KCTD12: variants seen among roughly 807,000 people sequenced by gnomAD.
The protein encoded by KCTD12 is potassium channel tetramerization domain containing 12, also known as BTB/POZ domain-containing protein KCTD12.
KCTD12 carries 16 observed loss-of-function variants against 22.6 expected under a neutral mutation model. The ratio of observed to expected loss-of-function variants is 0.71; its 90% CI spans 0.48 to 1.07. The LOEUF is 1.07. Ranked by LOEUF, KCTD12 falls within the 50% of genes least tolerant of loss-of-function variation. The pLI is 0.00. For missense variants in KCTD12, 452 were observed against 469.2 expected (o/e 0.96, Z 0.34); for synonymous variants, 260 against 228.0 (o/e 1.14, Z -1.26).
rs576556616 is a variant in KCTD12, at chr13:76,884,516, C to T, written c.*655G>A. On this transcript the variant is annotated 3_prime_UTR_variant, in exon 1 of 1. Transcript: ENST00000377474. ...TGTACGAGAAAGGATCCTTTACTGT[C>T]CCACGCACTAGATTCTTCTACTTTA... 4.6e-5 allele frequency: 7 copies of T among 152,398 alleles called. No homozygotes were observed. Among genetic ancestry groups the T allele is most frequent in the African/African-American group, 1.7e-4 (7 of 41,560 alleles). 9.4% of individuals were successfully genotyped at this position (152,398 alleles called of 1,614,324 possible).
rs776978631 is a variant in KCTD12 at position 76,885,825 on chromosome 13, G to A, written c.324C>T (p.Pro108=). ...DLQLVLPDYF[P]ERSRLQREAE... is the part of the protein sequence containing the mutation. Reference sequence around the variant, plus strand: ...CCTCGCGCTGCAGCCGGCTGCGCTCGGGGAAGTAGTCGGGCAGCACGAGCT... The same window carrying A: ...CCTCGCGCTGCAGCCGGCTGCGCTCAGGGAAGTAGTCGGGCAGCACGAGCT... Residue 108 remains proline, a synonymous_variant, in exon 1 of 1, where the codon CCC becomes CCT. Coordinates refer to ENST00000377474, the MANE Select transcript of KCTD12 (RefSeq NM_138444.4). This position sits in a 1 kb window ranked among gnomAD's most constrained non-coding sequence, Gnocchi z 5.1. The A allele has an allele frequency of 1.9e-6, 3 of 1,594,458 alleles. No individual in the cohort carries two copies. The highest frequency in any genetic ancestry group is 1.3e-5 in the African/African-American group (1 of 74,554).
rs990400634 is a variant in KCTD12, at chr13:76,885,542, C to A, written c.607G>T (p.Gly203Cys). 10 of 1,566,966 alleles carry A rather than the reference C, an allele frequency of 6.4e-6. No homozygotes were observed. The highest frequency in any genetic ancestry group is 2.4e-5 in the East Asian group (1 of 42,378). ...PLLTPSQSLD[G>C]SRRSGYITIG... ...GTGATGTAGCCCGAGCGCCGGCTGCCGTCCAGCGACTGGGACGGCGTGAGC... is the reference window on the plus strand; with the variant it reads ...GTGATGTAGCCCGAGCGCCGGCTGCAGTCCAGCGACTGGGACGGCGTGAGC... Residue 203 changes from glycine to cysteine, a missense_variant, in exon 1 of 1, where the codon GGC (glycine) becomes TGC (cysteine). Around this residue, in one of 2 missense-constraint regions of KCTD12, gnomAD observed 330 missense variants for 296.5 expected, o/e 1.11. Coordinates refer to ENST00000377474, the MANE Select transcript of KCTD12 (RefSeq NM_138444.4). This position sits in a 1 kb window ranked among gnomAD's most constrained non-coding sequence, Gnocchi z 5.1.
chr13:76,885,147 G>T lies in KCTD12; in HGVS notation c.*24C>A. 3 of 1,601,026 alleles carry T rather than the reference G, an allele frequency of 1.9e-6. No homozygotes were observed. The highest frequency in any genetic ancestry group is 2.6e-6 in the Non-Finnish European group (3 of 1,171,618). On this transcript the variant is annotated 3_prime_UTR_variant, in exon 1 of 1. Transcript: ENST00000377474. The surrounding 1 kb of genome is among the most constrained non-coding windows in gnomAD (Gnocchi z 5.1). ...CGGGCAGGAGAAGGACTGGGCGCTG[G>T]AGTGGCGAGGGGGTCTGGGGAGCTC... is the stretch of plus-strand genomic sequence containing the variant.
chr13:76,886,093 C>T lies in KCTD12; in HGVS notation c.56G>A (p.Gly19Asp), dbSNP rs1205730151. Reference sequence around the variant, plus strand: ...CGCGGAGGACGACGAGGAGCCACTGCCGCCCCCGCCGCCGCCCCCGTTGGG... The same window carrying T: ...CGCGGAGGACGACGAGGAGCCACTGTCGCCCCCGCCGCCGCCCCCGTTGGG... ...GLPNGGGGGG[G>D]SGSSSSSAEP... The change falls in exon 1 of 1, where the codon GGC (glycine) becomes GAC (aspartate). Residue 19 changes from glycine (G) to aspartate (D), a missense_variant. Physicochemically the swap from Gly to Asp is moderately conservative, Grantham distance 94. This residue lies in a region of KCTD12 where 330 missense variants were observed against 296.5 expected (regional missense o/e 1.11). Transcript: ENST00000377474. 5 of 1,543,694 alleles carry T rather than the reference C, an allele frequency of 3.2e-6. No individual in the cohort carries two copies. The East Asian group carries it at 9.8e-5, about 30-fold the overall frequency.
Position 76,885,023 on chromosome 13 carries a change from G to A in KCTD12, c.*148C>T. ...CTGCAGGTTCTGTAGTGGAGGGAAG[G>A]TGGGCGGACAGGTCTCACCCAGCTA... On this transcript the variant is annotated 3_prime_UTR_variant, in exon 1 of 1. Coordinates refer to ENST00000377474, the MANE Select transcript of KCTD12 (RefSeq NM_138444.4). This position sits in a 1 kb window ranked among gnomAD's most constrained non-coding sequence, Gnocchi z 5.1. 1 of 815,160 alleles carries A rather than the reference G, an allele frequency of 1.2e-6. No homozygotes were observed. The highest frequency in any genetic ancestry group is 1.8e-5 in the South Asian group (1 of 55,674). 50.5% of individuals were successfully genotyped at this position (815,160 alleles called of 1,614,324 possible).
At position 76,883,605 on chromosome 13, in the gene KCTD12, C is replaced by T. The variant is rs2033227751; in HGVS notation, c.*1566G>A. 1 of 152,614 alleles carries T rather than the reference C, an allele frequency of 6.6e-6. No homozygotes were observed. The highest frequency in any genetic ancestry group is 2.1e-4 in the South Asian group (1 of 4,830). 9.5% of individuals were successfully genotyped at this position (152,614 alleles called of 1,614,324 possible). A position where few individuals can be genotyped will look rare whatever the true frequency, so the allele number is the denominator to read the frequency against. On this transcript the variant is annotated 3_prime_UTR_variant, in exon 1 of 1. Coordinates refer to ENST00000377474, the MANE Select transcript of KCTD12 (RefSeq NM_138444.4). ...AGCTCACTTTTAAGTACTTATTTGC[C>T]TTCATTTAAAAATATTCCATTTTAC...
Position 76,886,294 on chromosome 13 carries a change from ACCG to A in KCTD12, c.-149_-147del, listed in dbSNP as rs993248845. The A allele has an allele frequency of 7.3e-5, 68 of 928,432 alleles. No individual in the cohort carries two copies. Among genetic ancestry groups the A allele is most frequent in the African/African-American group, 1.1e-4 (6 of 55,270 alleles). 57.5% of individuals were successfully genotyped at this position (928,432 alleles called of 1,614,324 possible). On this transcript the variant is annotated 5_prime_UTR_variant, in exon 1 of 1. Transcript: ENST00000377474. ...CGCCGCCGCCACCGCCGCCACCGCC[ACCG>A]CCGCCACCTCCTAGAGCCGCGCGGA...
At position 76,880,380 on chromosome 13, in the gene KCTD12, TTGAC is replaced by T. The variant is rs1393695788; in HGVS notation, c.*4787_*4790del. 1.3e-5 allele frequency: 2 copies of T among 152,544 alleles called. No individual in the cohort carries two copies. Among genetic ancestry groups the T allele is most frequent in the Non-Finnish European group, 2.9e-5 (2 of 68,040 alleles). The allele number at this position is 152,544 out of a possible 1,614,324, so 9.4% of individuals were successfully genotyped here. On this transcript the variant is annotated 3_prime_UTR_variant, in exon 1 of 1. Coordinates refer to ENST00000377474, the MANE Select transcript of KCTD12 (RefSeq NM_138444.4). ...AAGTTTGGGCATGTCTGAAAAGACT[TTGAC>T]TGCATCTTTTTTCAATATAAAGGGA...
rs1566374257 is a variant in KCTD12 at position 76,882,066 on chromosome 13, C to A, written c.*3105G>T. The A allele has an allele frequency of 6.6e-6, 1 of 152,052 alleles. No individual in the cohort carries two copies. The highest frequency in any genetic ancestry group is 1.5e-5 in the Non-Finnish European group (1 of 68,014). 9.4% of individuals were successfully genotyped at this position (152,052 alleles called of 1,614,324 possible). On this transcript the variant is annotated 3_prime_UTR_variant, in exon 1 of 1. Coordinates refer to ENST00000377474, the MANE Select transcript of KCTD12 (RefSeq NM_138444.4). ...CTTTGGAGGGCTTACTCAAATGAAC[C>A]CACAATACCTCCACTATTACAGCTT... is the stretch of plus-strand genomic sequence containing the variant.
In KCTD12 at chr13:76,885,468, G is replaced by A. The variant is rs776326691; in HGVS notation, c.681C>T (p.Asp227=). 2 of 1,609,338 alleles carry A rather than the reference G, an allele frequency of 1.2e-6. No individual in the cohort carries two copies. The highest frequency in any genetic ancestry group is 1.7e-5 in the Admixed American group (1 of 59,948). Residue 227 remains aspartate, a synonymous_variant, in exon 1 of 1, where the codon GAC becomes GAT. Coordinates refer to ENST00000377474, the MANE Select transcript of KCTD12 (RefSeq NM_138444.4). This position sits in a 1 kb window ranked among gnomAD's most constrained non-coding sequence, Gnocchi z 5.1. ...TGCGCGCCACTCGCCGGAACTTGGC[G>A]TCCGCCTGCGCGTCCCGCCCGATGG... ...SYTIGRDAQA[D]AKFRRVARIT...
Position 76,885,994 on chromosome 13 carries a change from A to G in KCTD12, c.155T>C (p.Val52Ala). ...GAGCAGCGAGTCGGGCACCGACACCACCGTGCAGCGCCGGGTCACGTACAC... is the reference window on the plus strand; with the variant it reads ...GAGCAGCGAGTCGGGCACCGACACCGCCGTGCAGCGCCGGGTCACGTACAC... Reference protein sequence around the residue: ...GQVYVTRRCTVVSVPDSLLWR... With the variant: ...GQVYVTRRCTAVSVPDSLLWR... The change falls in exon 1 of 1, where the codon GTG becomes GCG. Residue 52 changes from valine (V) to alanine (A), a missense_variant. Val to Ala is a moderately conservative substitution (Grantham distance 64). Coordinates refer to ENST00000377474, the MANE Select transcript of KCTD12 (RefSeq NM_138444.4). The surrounding 1 kb of genome is among the most constrained non-coding windows in gnomAD (Gnocchi z 5.1). 1 of 1,590,410 alleles carries G rather than the reference A, an allele frequency of 6.3e-7. No homozygotes were observed. The highest frequency in any genetic ancestry group is 8.5e-7 in the Non-Finnish European group (1 of 1,174,142).
rs1288823373 is a variant in KCTD12, at chr13:76,885,671, C to T, written c.478G>A (p.Gly160Ser). The T allele has an allele frequency of 1.4e-6, 2 of 1,460,166 alleles. No homozygotes were observed. Among genetic ancestry groups the T allele is most frequent in the African/African-American group, 1.5e-5 (1 of 67,620 alleles). 90.5% of individuals were successfully genotyped at this position (1,460,166 alleles called of 1,614,324 possible). ...GSLGDELLPL[G>S]YSEPEQQEGA... ...TCCTGCTGTTCGGGCTCCGAGTAGC[C>T]AAGCGGCAGCAGCTCGTCACCCAGC... The change falls in exon 1 of 1, where the codon GGC becomes AGC. Residue 160 changes from glycine (G) to serine (S), a missense_variant. Gly to Ser is a moderately conservative substitution (Grantham distance 56). Transcript: ENST00000377474. This position sits in a 1 kb window ranked among gnomAD's most constrained non-coding sequence, Gnocchi z 5.1.
chr13:76,886,178 G>T lies in KCTD12; in HGVS notation c.-30C>A. 1 of 1,439,780 alleles carries T rather than the reference G, an allele frequency of 6.9e-7. No individual in the cohort carries two copies. 89.2% of individuals were successfully genotyped at this position (1,439,780 alleles called of 1,614,324 possible). On this transcript the variant is annotated 5_prime_UTR_variant, in exon 1 of 1. Transcript: ENST00000377474. ...GAGAGGTGGCCGGGCCGGGACAGTG[G>T]CAGGAAGCCGCGCTGCACTCAGGAG...
chr13:76,885,141 G>A lies in KCTD12; in HGVS notation c.*30C>T, dbSNP rs2033248453. On this transcript the variant is annotated 3_prime_UTR_variant, in exon 1 of 1. Transcript: ENST00000377474. This position sits in a 1 kb window ranked among gnomAD's most constrained non-coding sequence, Gnocchi z 5.1. ...ATCTCTCGGGCAGGAGAAGGACTGG[G>A]CGCTGGAGTGGCGAGGGGGTCTGGG... 1 of 1,597,538 alleles carries A rather than the reference G, an allele frequency of 6.3e-7. No individual in the cohort carries two copies. Among genetic ancestry groups the A allele is most frequent in the Non-Finnish European group, 8.5e-7 (1 of 1,169,976 alleles).
chr13:76,885,820 C>A lies in KCTD12; in HGVS notation c.329G>T (p.Arg110Leu). The A allele has an allele frequency of 6.3e-7, 1 of 1,594,122 alleles. No individual in the cohort carries two copies. The highest frequency in any genetic ancestry group is 8.5e-7 in the Non-Finnish European group (1 of 1,178,308). Residue 110 changes from arginine to leucine, a missense_variant, in exon 1 of 1, where the codon CGC (arginine) becomes CTC (leucine). Physicochemically the swap from Arg to Leu is moderately radical, Grantham distance 102. Around this residue, in one of 2 missense-constraint regions of KCTD12, gnomAD observed 330 missense variants for 296.5 expected, o/e 1.11. Coordinates refer to ENST00000377474, the MANE Select transcript of KCTD12 (RefSeq NM_138444.4). This position sits in a 1 kb window ranked among gnomAD's most constrained non-coding sequence, Gnocchi z 5.1. ...QLVLPDYFPE[R>L]SRLQREAEYF... is the part of the protein sequence containing the mutation. ...CTCGGCCTCGCGCTGCAGCCGGCTG[C>A]GCTCGGGGAAGTAGTCGGGCAGCAC...
In KCTD12 at chr13:76,880,774, T is replaced by C. The variant is rs1012918772; in HGVS notation, c.*4397A>G. ...AAAAACAGTTGTATAATAGTTTACA[T>C]TACAATTAATGTACCCATACCTCAA... is the stretch of plus-strand genomic sequence containing the variant. On this transcript the variant is annotated 3_prime_UTR_variant, in exon 1 of 1. Transcript: ENST00000377474. 1 of 152,610 alleles carries C rather than the reference T, an allele frequency of 6.6e-6. No homozygotes were observed. The highest frequency in any genetic ancestry group is 1.5e-5 in the Non-Finnish European group (1 of 68,004). 9.5% of individuals were successfully genotyped at this position (152,610 alleles called of 1,614,324 possible).
At position 76,884,089 on chromosome 13, in the gene KCTD12, C is replaced by T. The variant is rs565161565; in HGVS notation, c.*1082G>A. On this transcript the variant is annotated 3_prime_UTR_variant, in exon 1 of 1. Transcript: ENST00000377474. ...TGTGCATATACTCAAACAGATGGTA[C>T]AAACTTCCAACTTTCAAATCATAAA... The T allele has an allele frequency of 2.6e-5, 4 of 152,440 alleles. No homozygotes were observed. Among genetic ancestry groups the T allele is most frequent in the African/African-American group, 9.6e-5 (4 of 41,550 alleles). The allele number at this position is 152,440 out of a possible 1,614,324, so 9.4% of individuals were successfully genotyped here.
chr13:76,883,762 G>A lies in KCTD12; in HGVS notation c.*1409C>T, dbSNP rs1220342284. 1 of 152,584 alleles carries A rather than the reference G, an allele frequency of 6.6e-6. No individual in the cohort carries two copies. Among genetic ancestry groups the A allele is most frequent in the Non-Finnish European group, 1.5e-5 (1 of 68,016 alleles). The allele number at this position is 152,584 out of a possible 1,614,324, so 9.5% of individuals were successfully genotyped here. On this transcript the variant is annotated 3_prime_UTR_variant, in exon 1 of 1. Transcript: ENST00000377474. ...TTTTCAGGTTTGCCCAGAAGTCAAC[G>A]TTTGCTGGGCTTGGAGAAAATAAGG...
rs139291676 is a variant in KCTD12 at position 76,885,372 on chromosome 13, G to A, written c.777C>T (p.Pro259=). ...FGDTLNESRD[P]DRPPERYTSR... is the part of the protein sequence containing the mutation. ...AGGTGTAGCGCTCCGGGGGACGGTC[G>A]GGGTCCCGGCTTTCGTTCAGGGTGT... Residue 259 remains proline (P), a synonymous_variant, in exon 1 of 1, where the codon CCC becomes CCT. Transcript: ENST00000377474. The surrounding 1 kb of genome is among the most constrained non-coding windows in gnomAD (Gnocchi z 5.1). 1.2e-3 allele frequency: 1,897 copies of A among 1,613,730 alleles called. 22 individuals are homozygous for A. In the African/African-American group the frequency reaches 0.022, roughly 19 times the overall value.
Sources: gnomAD v4.1 joint callset for allele counts on GRCh38, gnomAD v4.1.1 for gene constraint, gnomAD v4.1.1 regional missense constraint, Gnocchi (gnomAD v3.1) non-coding constraint, MANE v1.5 for transcripts, NCBI Gene and HGNC (gene_info 2026-07-23, HGNC 2026-07-21) for gene names.